CHST10: variants seen among roughly 807,000 people sequenced by gnomAD.
CHST10 encodes carbohydrate sulfotransferase 10.
CHST10 carries 24 observed loss-of-function variants against 34.7 expected under a neutral mutation model. The ratio of observed to expected loss-of-function variants is 0.69; its 90% CI spans 0.50 to 0.97. The LOEUF (loss-of-function observed/expected upper bound fraction) is 0.97, where lower values mean the gene tolerates loss of function less well. Ranked by LOEUF, CHST10 falls within the 50% of genes least tolerant of loss-of-function variation. The pLI is 0.00. For missense variants in CHST10, 402 were observed against 452.1 expected (o/e 0.89, Z 1.00); for synonymous variants, 161 against 169.3 (o/e 0.95, Z 0.38).
intron 1 of CHST10, chr2:100,415,636 G>A (rs1676034375): frequency 6.6e-6 from 1 of 152,476 alleles, no homozygotes; most frequent in Non-Finnish European, 1.5e-5. Context: ...CAAGCTGACT[G>A]GGACACATGC....
chr2:100,416,602 C>T (rs1286980555), intron 1 of CHST10: 3 of 208,922 alleles, frequency 1.4e-5, no homozygotes, highest in African/African-American at 6.8e-5. Context: ...TTAACAGCGT[C>T]TGAGACATTT....
Position 100,415,079 on chromosome 2 carries a change from C to T in CHST10, c.-71G>A. ...GGGCTCACATTTCCTTGCTGTGTTTCCCCTGAACTGAGGTTCTTGGTTCCT... is the reference window on the plus strand; with the variant it reads ...GGGCTCACATTTCCTTGCTGTGTTTTCCCTGAACTGAGGTTCTTGGTTCCT... On this transcript the variant is annotated 5_prime_UTR_variant, in exon 2 of 7. Transcript: ENST00000264249. 1 of 1,303,128 alleles carries T rather than the reference C, an allele frequency of 7.7e-7. No individual in the cohort carries two copies. Among genetic ancestry groups the T allele is most frequent in the Non-Finnish European group, 1.0e-6 (1 of 988,506 alleles). The allele number at this position is 1,303,128 out of a possible 1,614,324, so 80.7% of individuals were successfully genotyped here.
At chr2:100,405,511 C>T (rs1330037495) in intron 3 of CHST10, among the ~76,000 whole-genome samples, 4 of 152,178 alleles carry the variant, frequency 2.6e-5, no homozygotes, top group African/African-American at 9.7e-5. Flanking sequence ...GGACATCGGG[C>T]AGTCCTTGAC....
chr2:100,398,216 C>T, intron 4 of CHST10, 74 bp from the exon 5 acceptor site: 1 of 1,051,160 alleles, frequency 9.5e-7, no homozygotes, highest in Non-Finnish European at 1.4e-6. Flanking sequence ...AGAGCCGCTC[C>T]TGCTGGTCTA....
chr2:100,410,602 A>AG (rs1041619956), intron 2 of CHST10, among the ~76,000 whole-genome samples: 9 of 152,192 alleles, frequency 5.9e-5, no homozygotes, highest in African/African-American at 2.2e-4. Context: ...AGGCTTTTTC[A>AG]AGAATGAGGC....
chr2:100,401,417 C>CG (rs1180489886), intron 4 of CHST10, among the ~76,000 whole-genome samples: 1 of 152,114 alleles, frequency 6.6e-6, no homozygotes, highest in East Asian at 1.9e-4. Context: ...GCAATCTCTC[C>CG]GGGAGCACCC....
At chr2:100,412,681 G>A (rs1374745735) in intron 2 of CHST10, among the ~76,000 whole-genome samples, 4 of 152,134 alleles carry the variant, frequency 2.6e-5, no homozygotes, top group East Asian at 3.9e-4. Flanking sequence ...TGGCATAAAC[G>A]CCATTCTCCC....
intron 6 of CHST10, 60 bp from the exon 7 acceptor site, chr2:100,393,842 G>A: frequency 7.1e-7 from 1 of 1,403,122 alleles, no homozygotes; most frequent in East Asian, 2.3e-5. Flanking sequence ...AGCTGAGGGG[G>A]CGGGAGAGGG....
At chr2:100,408,010 C>T (rs535882237) in intron 2 of CHST10, 29 of 152,228 alleles carry the variant, frequency 1.9e-4, no homozygotes, top group South Asian at 4.2e-4. Context: ...ATACTCCCCC[C>T]CAAAACCAGT....
At chr2:100,410,102 G>A (rs1675766397) in intron 2 of CHST10, among the ~76,000 whole-genome samples, 1 of 152,216 alleles carries the variant, frequency 6.6e-6, no homozygotes, top group Non-Finnish European at 1.5e-5. Flanking sequence ...AGCATTTCAA[G>A]CACAGCTGCC....
intron 3 of CHST10, among the ~76,000 whole-genome samples, chr2:100,404,210 T>C (rs1047860134): frequency 1.3e-5 from 2 of 151,714 alleles, no homozygotes; most frequent in Non-Finnish European, 2.9e-5. Context: ...GCAACGGGAG[T>C]GGGCCCACAA....
At chr2:100,395,349 T>TG (rs34857439) in intron 6 of CHST10, among the ~76,000 whole-genome samples, 160 bp downstream of exon 6, 2 of 152,162 alleles carry the variant, frequency 1.3e-5, no homozygotes, top group African/African-American at 4.8e-5. Flanking sequence ...AGGCGCCGAA[T>TG]GGGGGGTGTA....
At position 100,402,601 on chromosome 2, in the gene CHST10, T is replaced by C. The variant is rs372598930; in HGVS notation, c.155A>G (p.Lys52Arg). 3.1e-6 allele frequency: 5 copies of C among 1,613,844 alleles called. No homozygotes were observed. The South Asian group carries it at 3.3e-5, about 11-fold the overall frequency. ...LFLTTMPEVR[K>R]LPEEKHIPEE... is the part of the protein sequence containing the mutation. The stretch of plus-strand genomic sequence containing the variant: ...AGGAATGTGCTTCTCTTCTGGCAAC[T>C]TCCTCACTTCCGGCATGGTTGTCAG... Residue 52 changes from lysine to arginine, a missense_variant, in exon 4 of 7, where the codon AAG becomes AGG. Transcript: ENST00000264249.
At position 100,406,562 on chromosome 2, in the gene CHST10, T is replaced by C; in HGVS notation, c.100+14A>G. The C allele has an allele frequency of 6.2e-7, 1 of 1,613,948 alleles. No individual in the cohort carries two copies. ...AAATTAGCCAAAATTCGTTCCACCA[T>C]GAAGCATACGTACCATCTGGGTCTT... On this transcript the variant is annotated intron_variant, in intron 3 of 6. Transcript: ENST00000264249.
rs376108323 is a variant in CHST10 at position 100,410,286 on chromosome 2, T to C, written c.-32-3579A>G. On this transcript the variant is annotated intron_variant, in intron 2 of 6. Transcript: ENST00000264249. ...TTTCCCATGGGCAGCAGAGGAAGAG[T>C]CAGCTCTGCCTCATCACCACCCAGG... 2.2e-4 allele frequency among the ~76,000 whole-genome samples: 33 copies of C among 151,868 alleles called. 1 individual carries two copies. The South Asian group carries it at 6.7e-3, about 31-fold the overall frequency.
At chr2:100,396,275 A>G (rs757989914) in intron 5 of CHST10, among the ~76,000 whole-genome samples, 78 of 152,362 alleles carry the variant, frequency 5.1e-4, no homozygotes, top group Non-Finnish European at 2.5e-4. Context: ...CCGTGCCAAC[A>G]GCCAGGGTCT....
At position 100,398,083 on chromosome 2, in the gene CHST10, G is replaced by A. The variant is rs1207073355; in HGVS notation, c.252C>T (p.Arg84=). The A allele has an allele frequency of 6.2e-7, 1 of 1,614,030 alleles. No individual in the cohort carries two copies. The highest frequency in any genetic ancestry group is 8.5e-7 in the Non-Finnish European group (1 of 1,180,030). ...TGCAGACGTTTCTGATGAGTTCCAG[G>A]CGCTCCATGTAGACCAGGGGCTGAA... ...QLVQPLVYME[R]LELIRNVCRD... The change falls in exon 5 of 7, where the codon CGC becomes CGT. Residue 84 remains arginine (R), a synonymous_variant. Coordinates refer to ENST00000264249, the MANE Select transcript of CHST10 (RefSeq NM_004854.5).
At chr2:100,415,967 A>G (rs895521994) in intron 1 of CHST10, 4 of 152,258 alleles carry the variant, frequency 2.6e-5, no homozygotes, top group Non-Finnish European at 5.9e-5. Context: ...TACTGTAAGC[A>G]TCTGTAATAC....
intron 5 of CHST10, among the ~76,000 whole-genome samples, chr2:100,397,430 C>T (rs77332148): frequency 2.9e-3 from 446 of 152,294 alleles, no homozygotes; most frequent in African/African-American, 0.01. Context: ...AACGCTTGGT[C>T]TGCAGGTAAA....
Sources: gnomAD v4.1 joint callset for allele counts (sites outside exome capture counted in the v4.1 genomes callset) on GRCh38, gnomAD v4.1.1 for gene constraint, MANE v1.5 for transcripts, NCBI Gene and HGNC (gene_info 2026-07-23, HGNC 2026-07-21) for gene names.